The following BBOX1 variants were observed in gnomAD, a reference collection of about 807,000 sequenced individuals.
BBOX1 encodes gamma-butyrobetaine hydroxylase 1.
Under a neutral mutation model 41.6 loss-of-function variants are expected in BBOX1, and 35 were observed. That is an observed-to-expected ratio of 0.84 (90% CI 0.64 to 1.11). The LOEUF is 1.11. Ranked by LOEUF, BBOX1 falls within the 50% of genes most tolerant of loss-of-function variation. The pLI is 0.00. For missense variants in BBOX1, 458 were observed against 460.6 expected (o/e 0.99, Z 0.05); for synonymous variants, 163 against 154.7 (o/e 1.05, Z -0.40).
chr11:27,074,293 A>C (rs575389972), intron 4 of BBOX1, among the ~76,000 whole-genome samples: 1 of 152,068 alleles, frequency 6.6e-6, no homozygotes, highest in Admixed American at 6.5e-5. Context: ...CTAATACAGA[A>C]AATTGGTACT....
At chr11:27,071,994 C>A (rs11820992) in intron 4 of BBOX1, among the ~76,000 whole-genome samples, 11,478 of 151,488 alleles carry the variant, frequency 0.076, 1,429 homozygotes, top group African/African-American at 0.25. Flanking sequence ...GGAAACATTC[C>A]CTTTGAAAAC....
intron 5 of BBOX1, among the ~76,000 whole-genome samples, chr11:27,115,149 T>C (rs545470846): frequency 3.4e-4 from 52 of 152,024 alleles, no homozygotes; most frequent in African/African-American, 1.2e-3. Context: ...AATAAATCAC[T>C]TTTTAAAATG....
chr11:27,076,158 G>T (rs1263962127), intron 4 of BBOX1, among the ~76,000 whole-genome samples: 3 of 152,188 alleles, frequency 2.0e-5, no homozygotes, highest in African/African-American at 7.2e-5. Flanking sequence ...GCCACCTAGT[G>T]GGGCTGCCAC....
At chr11:27,094,623 C>G (rs1795525673) in intron 5 of BBOX1, among the ~76,000 whole-genome samples, 1 of 151,976 alleles carries the variant, frequency 6.6e-6, no homozygotes, top group South Asian at 2.1e-4. Flanking sequence ...CCAGAATCCT[C>G]CACGCTCTCC....
chr11:27,127,186 T>C, intron 8 of BBOX1, 107 bp from the exon 9 acceptor site: 1 of 1,214,086 alleles, frequency 8.2e-7, no homozygotes, highest in Admixed American at 2.4e-5. Flanking sequence ...TAAGCGATGA[T>C]TCTTGATGTG....
chr11:27,057,140 A>C, intron 3 of BBOX1, 61 bp from the exon 4 acceptor site: 1 of 1,073,720 alleles, frequency 9.3e-7, no homozygotes, highest in Non-Finnish European at 1.3e-6. Context: ...TCAAAAACAG[A>C]GCAATAGTGG....
At chr11:27,049,404 T>G (rs1460176980) in intron 2 of BBOX1, among the ~76,000 whole-genome samples, 1 of 152,090 alleles carries the variant, frequency 6.6e-6, no homozygotes, top group Non-Finnish European at 1.5e-5. Context: ...CCTTGCCTAT[T>G]TTTAAAATTT....
intron 4 of BBOX1, among the ~76,000 whole-genome samples, chr11:27,077,287 A>G (rs1857665323): frequency 6.6e-6 from 1 of 152,070 alleles, no homozygotes; most frequent in Non-Finnish European, 1.5e-5. Flanking sequence ...TCCTACTTTT[A>G]TATTCCCTAC....
Position 27,057,192 on chromosome 11 carries a change from T to G in BBOX1, c.220-9T>G. 6.5e-7 allele frequency: 1 copy of G among 1,538,512 alleles called. No homozygotes were observed. On this transcript the variant is annotated splice_polypyrimidine_tract_variant and intron_variant, in intron 3 of 8. Transcript: ENST00000263182. Reference sequence around the variant, plus strand: ...CCACATAGGTGAAATTTGCTTTTTGTGTTATAAGGTGTACATCACATGGCC... The same window carrying G: ...CCACATAGGTGAAATTTGCTTTTTGGGTTATAAGGTGTACATCACATGGCC...
chr11:27,109,278 G>A (rs1319885354), intron 5 of BBOX1, among the ~76,000 whole-genome samples: 1 of 151,920 alleles, frequency 6.6e-6, no homozygotes, highest in Non-Finnish European at 1.5e-5. Flanking sequence ...AGTCCTATGG[G>A]GCATCTCCTG....
At chr11:27,070,622 T>C (rs1314366222) in intron 4 of BBOX1, among the ~76,000 whole-genome samples, 1 of 152,118 alleles carries the variant, frequency 6.6e-6, no homozygotes, top group Non-Finnish European at 1.5e-5. Context: ...GAGTATCTTT[T>C]CCCACTTCTT....
At chr11:27,098,032 G>A (rs1157421739) in intron 5 of BBOX1, among the ~76,000 whole-genome samples, 7 of 151,936 alleles carry the variant, frequency 4.6e-5, no homozygotes, top group South Asian at 2.1e-4. Flanking sequence ...GTTCAGGACC[G>A]CTTCTTTCTC....
At chr11:27,076,249 G>A (rs1366103938) in intron 4 of BBOX1, among the ~76,000 whole-genome samples, 1 of 152,192 alleles carries the variant, frequency 6.6e-6, no homozygotes, top group Non-Finnish European at 1.5e-5. Context: ...GCAGATACCA[G>A]CACTAGCTCT....
In BBOX1 at chr11:27,119,660, T is replaced by A; in HGVS notation, c.651T>A (p.Leu217=). The change falls in exon 7 of 9, where the codon CTT becomes CTA. Residue 217 remains leucine, a synonymous_variant. Transcript: ENST00000263182. ...ALHHPPGVQL[L]HCIKQTVTGG... Reference sequence around the variant, plus strand: ...TTTTCTTTTTATAGGTTCAGCTTCTTCACTGCATAAAGCAAACAGTCACAG... The same window carrying A: ...TTTTCTTTTTATAGGTTCAGCTTCTACACTGCATAAAGCAAACAGTCACAG... The A allele has an allele frequency of 6.8e-7, 1 of 1,467,004 alleles. No individual in the cohort carries two copies. Among genetic ancestry groups the A allele is most frequent in the Non-Finnish European group, 9.0e-7 (1 of 1,110,550 alleles). 90.9% of individuals were successfully genotyped at this position (1,467,004 alleles called of 1,614,324 possible).
chr11:27,109,038 A>G (rs572481100), intron 5 of BBOX1, among the ~76,000 whole-genome samples: 33 of 152,208 alleles, frequency 2.2e-4, no homozygotes, highest in African/African-American at 7.7e-4. Flanking sequence ...TAGGAGATCA[A>G]AAGTATTTGT....
intron 4 of BBOX1, among the ~76,000 whole-genome samples, chr11:27,076,365 G>T (rs1186903964): frequency 6.6e-6 from 1 of 152,176 alleles, no homozygotes; most frequent in Non-Finnish European, 1.5e-5. Context: ...TAATGAACTG[G>T]TCACTTGGGC....
intron 6 of BBOX1, among the ~76,000 whole-genome samples, chr11:27,118,246 TAGG>T (rs1859335850): frequency 6.6e-6 from 1 of 152,004 alleles, no homozygotes; most frequent in Admixed American, 6.6e-5. Context: ...AGTGACTTGA[TAGG>T]AGATTTTAAA....
intron 4 of BBOX1, among the ~76,000 whole-genome samples, chr11:27,090,310 G>A (rs1279807172): frequency 6.6e-6 from 1 of 151,948 alleles, no homozygotes; most frequent in African/African-American, 2.4e-5. Flanking sequence ...CTTTACAGCT[G>A]GGCTGCTGGG....
chr11:27,064,870 C>T (rs983764831), intron 4 of BBOX1, among the ~76,000 whole-genome samples: 7 of 151,168 alleles, frequency 4.6e-5, no homozygotes, highest in Non-Finnish European at 1.0e-4. Flanking sequence ...TCTAGGTAGA[C>T]CCATGGGGTC....
Sources: gnomAD v4.1 joint callset for allele counts (sites outside exome capture counted in the v4.1 genomes callset) on GRCh38, gnomAD v4.1.1 for gene constraint, MANE v1.5 for transcripts, NCBI Gene and HGNC (gene_info 2026-07-23, HGNC 2026-07-21) for gene names.